OR4Q3: variants seen among roughly 807,000 people sequenced by gnomAD.
OR4Q3 encodes the protein olfactory receptor 4Q3.
A neutral mutation model predicts 18.8 loss-of-function variants in OR4Q3; 17 were observed. The ratio of observed to expected loss-of-function variants is 0.91; its 90% CI spans 0.62 to 1.36. OR4Q3 has a LOEUF of 1.36. Ranked by LOEUF, OR4Q3 falls within the 40% of genes most tolerant of loss-of-function variation. The pLI, the probability that OR4Q3 is intolerant of heterozygous loss-of-function variation, is 0.00. For missense variants in OR4Q3, 378 were observed against 373.4 expected (o/e 1.01, Z -0.10); for synonymous variants, 158 against 145.8 (o/e 1.08, Z -0.60).
At chr14:19,749,011 G>C in exon 2 of OR4Q3, 3 of 152,808 alleles carry the variant, frequency 2.0e-5, no homozygotes, top group Admixed American at 2.0e-4. Context: ...GATGGAAGCT[G>C]TTAGTATTCT....
intron 1 of OR4Q3, among the ~76,000 whole-genome samples, chr14:19,744,271 C>T (rs1258706670): frequency 2.0e-5 from 3 of 152,170 alleles, no homozygotes. Context: ...GCAATTGAAA[C>T]TCCAGCTAGC....
At chr14:19,749,050 C>T in exon 2 of OR4Q3, 2 of 152,482 alleles carry the variant, frequency 1.3e-5, no homozygotes, top group Non-Finnish European at 2.9e-5. Flanking sequence ...GAAGAGGTAC[C>T]TAGTTTCACA....
chr14:19,745,013 A>G, intron 1 of OR4Q3, among the ~76,000 whole-genome samples: 1 of 152,068 alleles, frequency 6.6e-6, no homozygotes, highest in Non-Finnish European at 1.5e-5. Flanking sequence ...TATGTTTCAT[A>G]TTGTCTGAGG....
In OR4Q3 at chr14:19,748,323, T is replaced by G; in HGVS notation, c.920T>G (p.Met307Arg). The G allele has an allele frequency of 3.1e-6, 5 of 1,612,898 alleles. No individual in the cohort carries two copies. In the African/African-American group the frequency reaches 6.7e-5, roughly 22 times the overall value. ...AGAAATACTGATATGAAGACAGCTATGAAGAAGCTGAGGATAAAACCATGT... is the reference window on the plus strand; with the variant it reads ...AGAAATACTGATATGAAGACAGCTAGGAAGAAGCTGAGGATAAAACCATGT... The change falls in exon 2 of 2, where the codon ATG becomes AGG. Residue 307 changes from methionine (M) to arginine (R), a missense_variant. Coordinates refer to ENST00000642117, the Ensembl canonical transcript of OR4Q3.
chr14:19,746,389 T>C, intron 1 of OR4Q3, among the ~76,000 whole-genome samples: 3 of 152,150 alleles, frequency 2.0e-5, no homozygotes, highest in East Asian at 3.9e-4. Context: ...GGAAAATGGA[T>C]CTAACAATAT....
chr14:19,750,280 C>T, downstream of OR4Q3, among the ~76,000 whole-genome samples: 150 of 152,254 alleles, frequency 9.9e-4, no homozygotes, highest in African/African-American at 3.0e-3. Context: ...CCACGACACC[C>T]GGCCAGATTA....
chr14:19,749,070 T>A, exon 2 of OR4Q3: 13,354 of 150,786 alleles, frequency 0.089, 468 homozygotes, highest in East Asian at 0.32. Context: ...ACTGAGTTTT[T>A]CTTTGATTGG....
chr14:19,749,808 C>CT, downstream of OR4Q3, among the ~76,000 whole-genome samples: 1 of 139,562 alleles, frequency 7.2e-6, no homozygotes, highest in Non-Finnish European at 1.6e-5. Flanking sequence ...CTCTCTTTCT[C>CT]TCTATTTCTT....
chr14:19,751,770 A>AC, downstream of OR4Q3, among the ~76,000 whole-genome samples: 3 of 88,758 alleles, frequency 3.4e-5, no homozygotes, highest in Non-Finnish European at 7.6e-5. Flanking sequence ...ACTCATTTGG[A>AC]TCTTTTTTTT....
intron 1 of OR4Q3, among the ~76,000 whole-genome samples, chr14:19,746,372 G>C: frequency 3.3e-4 from 51 of 152,256 alleles, no homozygotes; most frequent in South Asian, 1.9e-3. Context: ...TATGAGTGTA[G>C]AGCAGGGGAA....
downstream of OR4Q3, among the ~76,000 whole-genome samples, chr14:19,751,089 A>G: frequency 2.0e-5 from 3 of 152,260 alleles, no homozygotes; most frequent in South Asian, 6.2e-4. Context: ...GTTCTCTTTC[A>G]TAGCAAAATG....
intron 1 of OR4Q3, among the ~76,000 whole-genome samples, chr14:19,745,510 G>A: frequency 1.3e-5 from 2 of 152,114 alleles, no homozygotes; most frequent in Non-Finnish European, 2.9e-5. Context: ...ATAACATTGT[G>A]TAGGATTATG....
chr14:19,748,427 C>T, exon 2 of OR4Q3: 1 of 1,312,470 alleles, frequency 7.6e-7, no homozygotes, highest in Non-Finnish European at 1.1e-6. Flanking sequence ...ACTCTTAACT[C>T]ATCTTGTACA....
At chr14:19,748,375 G>A in exon 2 of OR4Q3, 2 of 1,582,398 alleles carry the variant, frequency 1.3e-6, no homozygotes, top group Non-Finnish European at 8.6e-7. Flanking sequence ...GTTAAGGAAT[G>A]AGCAGAAGAG....
intron 1 of OR4Q3, among the ~76,000 whole-genome samples, chr14:19,744,348 C>T (rs1414423703): frequency 6.6e-6 from 1 of 152,106 alleles, no homozygotes; most frequent in Non-Finnish European, 1.5e-5. Context: ...TCCACACAGA[C>T]CAAAATAAAT....
At chr14:19,748,090 C>A in exon 2 of OR4Q3, 1 of 1,613,926 alleles carries the variant, frequency 6.2e-7, no homozygotes, top group Admixed American at 1.7e-5. Flanking sequence ...CTTATGCTAT[C>A]ATCCTGATCA....
intron 1 of OR4Q3, among the ~76,000 whole-genome samples, chr14:19,744,516 G>A (rs1211314307): frequency 6.6e-6 from 1 of 152,182 alleles, no homozygotes; most frequent in Admixed American, 6.5e-5. Flanking sequence ...CTGCTTAGCT[G>A]TACACAAGTA....
downstream of OR4Q3, among the ~76,000 whole-genome samples, chr14:19,751,986 G>A: frequency 6.6e-6 from 1 of 152,186 alleles, no homozygotes; most frequent in Non-Finnish European, 1.5e-5. Flanking sequence ...GGAAGATGAA[G>A]CTAGACCCTT....
intron 1 of OR4Q3, among the ~76,000 whole-genome samples, chr14:19,744,335 A>G (rs4508339): frequency 0.12 from 17,268 of 149,552 alleles, 521 homozygotes; most frequent in South Asian, 0.23. Context: ...TAATGCATTT[A>G]GCTCCACACA....
Sources: gnomAD v4.1 joint callset for allele counts (sites outside exome capture counted in the v4.1 genomes callset) on GRCh38, gnomAD v4.1.1 for gene constraint, MANE v1.5 for transcripts, NCBI Gene and HGNC (gene_info 2026-07-23, HGNC 2026-07-21) for gene names.